The following LYRM4 variants were observed in gnomAD, a reference collection of about 807,000 sequenced individuals.
LYRM4 encodes LYR motif-containing protein 4.
Under a neutral mutation model 11.7 loss-of-function variants are expected in LYRM4, and 9 were observed. The observed-to-expected ratio is 0.77, with a 90% CI of 0.46 to 1.34. The LOEUF is 1.34. Among genes scored for constraint, LYRM4 ranks in the 40% most tolerant of loss-of-function variants. The pLI is 0.00. For missense variants in LYRM4, 133 were observed against 112.5 expected (o/e 1.18, Z -0.82); for synonymous variants, 42 against 40.4 (o/e 1.04, Z -0.15).
At chr6:5,143,185 C>G (rs1430558216) in intron 2 of LYRM4, among the ~76,000 whole-genome samples, 1 of 148,978 alleles carries the variant, frequency 6.7e-6, no homozygotes, top group East Asian at 2.0e-4. Flanking sequence ...ATTGAGGAGG[C>G]CAAGCCTGCA....
At chr6:5,193,065 C>T (rs568278441) in intron 2 of LYRM4, among the ~76,000 whole-genome samples, 1 of 152,264 alleles carries the variant, frequency 6.6e-6, no homozygotes, top group African/African-American at 2.4e-5. Context: ...AGAGCTTACT[C>T]TTGGATTTCA....
chr6:5,198,908 T>G (rs930376504), intron 2 of LYRM4, among the ~76,000 whole-genome samples: 2 of 152,108 alleles, frequency 1.3e-5, no homozygotes, highest in African/African-American at 4.8e-5. Context: ...AAAAAACAAG[T>G]GTTTACAAGA....
At chr6:5,193,412 G>C (rs1760876847) in intron 2 of LYRM4, among the ~76,000 whole-genome samples, 1 of 152,170 alleles carries the variant, frequency 6.6e-6, no homozygotes, top group Non-Finnish European at 1.5e-5. Flanking sequence ...ATAGAAGGCA[G>C]GGTTCTTTCT....
chr6:5,260,377 T>C (rs900934114), intron 1 of LYRM4, among the ~76,000 whole-genome samples: 7 of 152,198 alleles, frequency 4.6e-5, no homozygotes, highest in Non-Finnish European at 8.8e-5. Context: ...CTAATCATGC[T>C]CCTAGAATAA....
chr6:5,142,798 T>G (rs892406179), intron 2 of LYRM4, among the ~76,000 whole-genome samples: 1 of 152,272 alleles, frequency 6.6e-6, no homozygotes, highest in South Asian at 2.1e-4. Flanking sequence ...ATGCCCAGAT[T>G]TGAAGAGCCC....
At chr6:5,048,507 G>A in the LYRM4 span, among the ~76,000 whole-genome samples, 2 of 152,086 alleles carry the variant, frequency 1.3e-5, no homozygotes, top group African/African-American at 4.8e-5. Flanking sequence ...TAGAAACAGG[G>A]TTGGTTGCCC....
At chr6:5,230,220 T>C (rs1055383482) in intron 1 of LYRM4, among the ~76,000 whole-genome samples, 1 of 152,202 alleles carries the variant, frequency 6.6e-6, no homozygotes, top group Non-Finnish European at 1.5e-5. Context: ...AGTTCCCTCT[T>C]GACATGCTCC....
chr6:5,183,290 G>C (rs1236091583), intron 2 of LYRM4, among the ~76,000 whole-genome samples: 1 of 152,100 alleles, frequency 6.6e-6, no homozygotes, highest in Non-Finnish European at 1.5e-5. Flanking sequence ...CTCTATCCCT[G>C]CACAACATCC....
chr6:5,075,275 A>G, the LYRM4 span, among the ~76,000 whole-genome samples: 1 of 152,226 alleles, frequency 6.6e-6, no homozygotes, highest in African/African-American at 2.4e-5. Flanking sequence ...ACAAAATCCT[A>G]GGGAATCTCA....
At chr6:5,147,230 C>T (rs938978378) in intron 2 of LYRM4, among the ~76,000 whole-genome samples, 1 of 152,146 alleles carries the variant, frequency 6.6e-6, no homozygotes, top group Non-Finnish European at 1.5e-5. Context: ...ATGTTTGATA[C>T]GAGCTCATTT....
chr6:5,064,234 T>C, the LYRM4 span, among the ~76,000 whole-genome samples: 4 of 152,142 alleles, frequency 2.6e-5, no homozygotes, highest in Non-Finnish European at 4.4e-5. Flanking sequence ...GGGTGACAAA[T>C]GAATCAGCCT....
the LYRM4 span, among the ~76,000 whole-genome samples, chr6:5,091,790 A>G: frequency 6.6e-6 from 1 of 152,218 alleles, no homozygotes; most frequent in African/African-American, 2.4e-5. Context: ...GTTCAACCAG[A>G]AACTCCACAT....
the LYRM4 span, among the ~76,000 whole-genome samples, chr6:5,059,361 G>T: frequency 1.7e-5 from 2 of 118,392 alleles, no homozygotes. Flanking sequence ...AAAAAAAAAA[G>T]TCCTCTGTGT....
chr6:5,085,503 G>T, the LYRM4 span: 4 of 1,536,772 alleles, frequency 2.6e-6, no homozygotes, highest in Admixed American at 2.0e-5. Flanking sequence ...CCATAGGGGC[G>T]CGGCTAAGTT....
chr6:5,135,726 A>C (rs1757057825), intron 2 of LYRM4, among the ~76,000 whole-genome samples: 1 of 152,174 alleles, frequency 6.6e-6, no homozygotes, highest in Non-Finnish European at 1.5e-5. Context: ...AACACACACA[A>C]TACTGATGTG....
At chr6:5,234,924 C>G (rs1763451700) in intron 1 of LYRM4, among the ~76,000 whole-genome samples, 2 of 152,102 alleles carry the variant, frequency 1.3e-5, no homozygotes, top group Non-Finnish European at 2.9e-5. Context: ...CCCCCTACTC[C>G]CAAACCCCCA....
chr6:5,260,416 G>T (rs1581623664), intron 1 of LYRM4, among the ~76,000 whole-genome samples: 1 of 152,202 alleles, frequency 6.6e-6, no homozygotes, highest in East Asian at 1.9e-4. Flanking sequence ...GGGGGAAAAC[G>T]TCACAAGACA....
the LYRM4 span, among the ~76,000 whole-genome samples, chr6:5,078,382 G>A: frequency 0.022 from 3,416 of 152,120 alleles, 127 homozygotes; most frequent in African/African-American, 0.078. Context: ...GGTAACAAGA[G>A]CTATTCATTT....
At chr6:5,068,591 C>T in the LYRM4 span, among the ~76,000 whole-genome samples, 6 of 152,280 alleles carry the variant, frequency 3.9e-5, no homozygotes, top group African/African-American at 1.4e-4. This position sits in a 1 kb window ranked among gnomAD's most constrained non-coding sequence, Gnocchi z 4.0. Flanking sequence ...TTCCAAATAG[C>T]ACACCCAGGG....
Sources: allele counts gnomAD v4.1 joint callset (sites outside exome capture counted in the v4.1 genomes callset), GRCh38; gene constraint gnomAD v4.1.1; non-coding constraint Gnocchi (gnomAD v3.1); transcripts MANE v1.5; gene names NCBI Gene and HGNC (gene_info 2026-07-23, HGNC 2026-07-21).